CALN1: variants seen among roughly 807,000 people sequenced by gnomAD.
The protein encoded by CALN1 is calneuron 1.
In CALN1, 17 loss-of-function variants were observed where a neutral mutation model predicts 30.6. That is an observed-to-expected ratio of 0.56 (90% CI 0.38 to 0.83). CALN1 has a LOEUF of 0.83. Among genes scored for constraint, CALN1 ranks in the 40% least tolerant of loss-of-function variants. CALN1 has a pLI of 0.00. For missense variants in CALN1, 291 were observed against 354.9 expected, an observed-to-expected ratio of 0.82 and a Z score of 1.45; for synonymous variants, 156 against 131.4, an observed-to-expected ratio of 1.19 and a Z score of -1.28.
intron 2 of CALN1, among the ~76,000 whole-genome samples, chr7:72,391,197 G>C (rs890782774): frequency 6.6e-6 from 1 of 152,160 alleles, no homozygotes; most frequent in Non-Finnish European, 1.5e-5. Context: ...GCCACATATT[G>C]AAAGAAGATG....
At chr7:72,392,897 G>A (rs967900868) in intron 2 of CALN1, among the ~76,000 whole-genome samples, 9 of 152,124 alleles carry the variant, frequency 5.9e-5, no homozygotes, top group Middle Eastern at 3.4e-3. Flanking sequence ...TACTTCGGAG[G>A]CTGAGGTGGG....
At chr7:71,845,108 T>A (rs1325550617) in intron 5 of CALN1, among the ~76,000 whole-genome samples, 1 of 152,146 alleles carries the variant, frequency 6.6e-6, no homozygotes, top group Non-Finnish European at 1.5e-5. Context: ...GGTCTCGAAC[T>A]CCTGACCTCA....
chr7:72,354,092 C>G (rs1359137710), intron 2 of CALN1, among the ~76,000 whole-genome samples: 2 of 152,062 alleles, frequency 1.3e-5, no homozygotes, highest in Non-Finnish European at 2.9e-5. Context: ...GAGGCTGAGG[C>G]AAGAGAATCA....
At chr7:72,269,221 A>C (rs971054588) in intron 3 of CALN1, among the ~76,000 whole-genome samples, 2 of 151,980 alleles carry the variant, frequency 1.3e-5, no homozygotes, top group Non-Finnish European at 2.9e-5. Flanking sequence ...ATTTTATTTT[A>C]TTATACTTTA....
upstream of CALN1, among the ~76,000 whole-genome samples, chr7:72,413,459 A>G (rs1365574857): frequency 6.6e-6 from 1 of 151,936 alleles, no homozygotes; most frequent in Admixed American, 6.6e-5. Flanking sequence ...ACACATGGAC[A>G]CACGTGCATA....
chr7:72,466,309 G>A, the CALN1 span, among the ~76,000 whole-genome samples: 1 of 152,104 alleles, frequency 6.6e-6, no homozygotes, highest in African/African-American at 2.4e-5. Context: ...GAAGGAACTG[G>A]TTCTGCCTTC....
chr7:72,382,812 G>T (rs1467999518), intron 2 of CALN1, among the ~76,000 whole-genome samples: 1 of 152,140 alleles, frequency 6.6e-6, no homozygotes, highest in Non-Finnish European at 1.5e-5. Context: ...TGTTTTTTGA[G>T]ATGGAGTCTC....
chr7:72,092,736 G>A (rs1805958511), intron 4 of CALN1, among the ~76,000 whole-genome samples: 1 of 150,636 alleles, frequency 6.6e-6, no homozygotes, highest in Non-Finnish European at 1.5e-5. Context: ...TAGTTGGGTT[G>A]TACTCCTCAA....
chr7:72,244,073 T>C (rs1795010750), intron 3 of CALN1, among the ~76,000 whole-genome samples: 1 of 152,178 alleles, frequency 6.6e-6, no homozygotes, highest in Admixed American at 6.6e-5. Context: ...TGCTGAAAGC[T>C]AAATCTCCTT....
the CALN1 span, among the ~76,000 whole-genome samples, chr7:72,491,339 C>T: frequency 1.3e-5 from 2 of 151,946 alleles, no homozygotes; most frequent in Non-Finnish European, 2.9e-5. Context: ...CAGACTGAGG[C>T]GGGAAGATCA....
intron 6 of CALN1, among the ~76,000 whole-genome samples, chr7:71,795,849 T>G (rs1200201955): frequency 4.3e-5 from 6 of 139,462 alleles, no homozygotes; most frequent in Non-Finnish European, 7.5e-5. Flanking sequence ...GACAGAGTCT[T>G]GCTCTGTCAC....
intron 1 of CALN1, among the ~76,000 whole-genome samples, chr7:72,418,248 T>G (rs1807488014): frequency 6.6e-6 from 1 of 152,160 alleles, no homozygotes; most frequent in Non-Finnish European, 1.5e-5. Context: ...TTAATCTGCT[T>G]AGGATAATGG....
chr7:72,320,187 G>A (rs1800774555), intron 2 of CALN1, among the ~76,000 whole-genome samples: 1 of 152,108 alleles, frequency 6.6e-6, no homozygotes, highest in African/African-American at 2.4e-5. Flanking sequence ...TGTAATACCA[G>A]GCAAGCAGGC....
At chr7:72,459,785 G>C in the CALN1 span, among the ~76,000 whole-genome samples, 1 of 152,174 alleles carries the variant, frequency 6.6e-6, no homozygotes, top group Non-Finnish European at 1.5e-5. Context: ...CAGCTTCCAT[G>C]TGTATGGAAT....
At chr7:72,122,537 G>GACTA (rs1808468527) in intron 3 of CALN1, among the ~76,000 whole-genome samples, 16 of 152,218 alleles carry the variant, frequency 1.1e-4, no homozygotes. Context: ...AGGAGTTCGA[G>GACTA]ACTAACCTGG....
At chr7:72,467,048 T>A in the CALN1 span, among the ~76,000 whole-genome samples, 2 of 152,064 alleles carry the variant, frequency 1.3e-5, no homozygotes, top group African/African-American at 4.8e-5. Flanking sequence ...AGAAGCCTGT[T>A]CCTGGACTAA....
intron 4 of CALN1, among the ~76,000 whole-genome samples, chr7:72,030,965 C>T (rs1350720537): frequency 1.3e-5 from 2 of 152,104 alleles, no homozygotes; most frequent in East Asian, 3.8e-4. Flanking sequence ...CCAGGCTGGC[C>T]TCAAGCAATC....
intron 5 of CALN1, among the ~76,000 whole-genome samples, chr7:72,019,561 G>A (rs1800589191): frequency 6.6e-6 from 1 of 152,194 alleles, no homozygotes; most frequent in Admixed American, 6.5e-5. Context: ...GCCATGTCAG[G>A]AGGACACTCA....
intron 1 of CALN1, among the ~76,000 whole-genome samples, chr7:72,408,035 T>C (rs749297699): frequency 8.5e-5 from 13 of 152,218 alleles, no homozygotes; most frequent in Non-Finnish European, 1.6e-4. Flanking sequence ...GTATGGCATT[T>C]AGGCGCAGGC....
Sources: allele counts gnomAD v4.1 joint callset (sites outside exome capture counted in the v4.1 genomes callset), GRCh38; gene constraint gnomAD v4.1.1; transcripts MANE v1.5; gene names NCBI Gene and HGNC (gene_info 2026-07-23, HGNC 2026-07-21).